Variants in CES4A observed in about 807,000 individuals in gnomAD.
The protein encoded by CES4A is carboxylesterase 6.
A neutral mutation model predicts 65.4 loss-of-function variants in CES4A; 48 were observed. The ratio of observed to expected loss-of-function variants is 0.73; its 90% CI spans 0.58 to 0.93. The LOEUF is 0.93. CES4A is among the 40% of genes least tolerant of loss of function. CES4A has a pLI of 0.00. For synonymous variants in CES4A, 247 were observed against 281.8 expected (o/e 0.88, Z 1.24); for missense variants, 685 against 728.5 (o/e 0.94, Z 0.69).
At chr16:66,988,643 A>G (rs1964139468) in exon 1 of CES4A, 1 of 1,503,202 alleles carries the variant, frequency 6.7e-7, no homozygotes, top group Non-Finnish European at 8.9e-7. Flanking sequence ...CCGCCCCAGT[A>G]CTTGCTGGCA....
At chr16:66,997,019 C>T (rs1313456505) in intron 2 of CES4A, among the ~76,000 whole-genome samples, 2 of 151,414 alleles carry the variant, frequency 1.3e-5, no homozygotes, top group Non-Finnish European at 2.9e-5. Flanking sequence ...CATGAGTGCA[C>T]CACTGACTGC....
intron 1 of CES4A, among the ~76,000 whole-genome samples, chr16:66,991,953 A>G (rs1036272131): frequency 1.4e-4 from 22 of 152,210 alleles, no homozygotes; most frequent in African/African-American, 4.8e-4. Flanking sequence ...TACAAAAAAG[A>G]AAAAGAAAAA....
At chr16:66,988,611 C>A in exon 1 of CES4A, 1 of 1,422,066 alleles carries the variant, frequency 7.0e-7, no homozygotes, top group Non-Finnish European at 9.4e-7. Flanking sequence ...GTGGGCTGGT[C>A]AGAAGCTGGT....
At chr16:66,998,826 A>T (rs1597073663) in intron 2 of CES4A, among the ~76,000 whole-genome samples, 1 of 151,906 alleles carries the variant, frequency 6.6e-6, no homozygotes, top group African/African-American at 2.4e-5. Context: ...GTGCCACTGC[A>T]CTCCAGCCTG....
At chr16:67,007,126 G>T in intron 13 of CES4A, 1 of 355,774 alleles carries the variant, frequency 2.8e-6, no homozygotes, top group Non-Finnish European at 5.1e-6. Flanking sequence ...GCAGACATGA[G>T]CCCCATCCTC....
chr16:67,005,500 G>A (rs1965685876), intron 11 of CES4A, 107 bp downstream of exon 11: 1 of 1,073,254 alleles, frequency 9.3e-7, no homozygotes, highest in Non-Finnish European at 1.3e-6. Flanking sequence ...TGTACTTCTG[G>A]GCTAGTATAG....
Position 67,005,403 on chromosome 16 carries a change from G to T in CES4A, c.1315+10G>T. ...GCTCACTACCACCGAGGTATGCAGG[G>T]TCCCCAAGAGTGGCCACACTGGCCC... On this transcript the variant is annotated intron_variant, in intron 11 of 13. Transcript: ENST00000648724. 1 of 1,612,078 alleles carries T rather than the reference G, an allele frequency of 6.2e-7. No individual in the cohort carries two copies.
At position 67,000,859 on chromosome 16, in the gene CES4A, G is replaced by A; in HGVS notation, c.405G>A (p.Val135=). ...AGATCCCGGCCTTCTTCGTCCAGGT[G>A]ATGGTCTGGTTCCCGGGAGGCGCCT... The change falls in exon 4 of 14, where the codon GTG becomes GTA. Residue 135 remains valine (V), a splice_region_variant and synonymous_variant. Transcript: ENST00000648724. This position sits in a 1 kb window ranked among gnomAD's most constrained non-coding sequence, Gnocchi z 4.2. 1.3e-6 allele frequency: 2 copies of A among 1,593,320 alleles called. No individual in the cohort carries two copies. The highest frequency in any genetic ancestry group is 1.7e-6 in the Non-Finnish European group (2 of 1,170,094).
At chr16:67,004,090 T>C in exon 9 of CES4A, 1 of 1,614,048 alleles carries the variant, frequency 6.2e-7, no homozygotes, top group Non-Finnish European at 8.5e-7. Flanking sequence ...GTAGATTATC[T>C]GGTCCATGAG....
At chr16:66,991,083 G>C (rs1345150722) in intron 1 of CES4A, among the ~76,000 whole-genome samples, 1 of 152,122 alleles carries the variant, frequency 6.6e-6, no homozygotes, top group South Asian at 2.1e-4. Context: ...GGAGCACAGT[G>C]ATGCGATCTT....
Position 67,004,242 on chromosome 16 carries a change from C to G in CES4A, c.1080+18C>G. ...TGCCTTATGTAAGTGAGTAGGAGTT[C>G]AATTGGCTCTTGCCTTACGTAAGTG... On this transcript the variant is annotated intron_variant, in intron 9 of 13. Coordinates refer to ENST00000648724, the Ensembl canonical transcript of CES4A. The G allele has an allele frequency of 2.5e-6, 4 of 1,613,682 alleles. No individual in the cohort carries two copies. The highest frequency in any genetic ancestry group is 3.4e-6 in the Non-Finnish European group (4 of 1,179,718).
At chr16:66,996,538 GA>G (rs1964869776) in intron 2 of CES4A, among the ~76,000 whole-genome samples, 2 of 152,176 alleles carry the variant, frequency 1.3e-5, no homozygotes, top group Non-Finnish European at 2.9e-5. Flanking sequence ...TTAGAACAAT[GA>G]CTGCCCTTTG....
Position 67,001,249 on chromosome 16 carries a change from G to T in CES4A, c.537-59G>T. On this transcript the variant is annotated intron_variant, in intron 4 of 13. Transcript: ENST00000648724. This position sits in a 1 kb window ranked among gnomAD's most constrained non-coding sequence, Gnocchi z 4.1. Reference sequence around the variant, plus strand: ...TGGGTGGGGGAAGCCCAGGAGGGCAGCCCAACGCGCCCCGACTGTCGAGGC... The same window carrying T: ...TGGGTGGGGGAAGCCCAGGAGGGCATCCCAACGCGCCCCGACTGTCGAGGC... The T allele has an allele frequency of 6.6e-7, 1 of 1,511,898 alleles. No homozygotes were observed. 93.7% of individuals were successfully genotyped at this position (1,511,898 alleles called of 1,614,324 possible).
In CES4A at chr16:67,003,058, C is replaced by G; in HGVS notation, c.691-12C>G. The stretch of plus-strand genomic sequence containing the variant: ...GGGCATCTCACGGGTGTATTCCTCC[C>G]TGTTCTTGCAGATGATGTCACCCCT... On this transcript the variant is annotated splice_polypyrimidine_tract_variant and intron_variant, in intron 5 of 13. Coordinates refer to ENST00000648724, the Ensembl canonical transcript of CES4A. The surrounding 1 kb of genome is among the most constrained non-coding windows in gnomAD (Gnocchi z 4.2). The G allele has an allele frequency of 6.2e-7, 1 of 1,610,380 alleles. No individual in the cohort carries two copies. Among genetic ancestry groups the G allele is most frequent in the Non-Finnish European group, 8.5e-7 (1 of 1,176,608 alleles).
chr16:67,000,444 G>A lies in CES4A; in HGVS notation c.261-194G>A. 7.1e-7 allele frequency: 1 copy of A among 1,409,110 alleles called. No homozygotes were observed. The highest frequency in any genetic ancestry group is 2.7e-5 in the East Asian group (1 of 37,674). 87.3% of individuals were successfully genotyped at this position (1,409,110 alleles called of 1,614,324 possible). A position where few individuals can be genotyped will look rare whatever the true frequency, so the allele number is the denominator to read the frequency against. ...CGGGCAGGGAGGGGATGGTTCCTGA[G>A]AGGCCAACCTGCCTCCCAGTCCTGG... On this transcript the variant is annotated intron_variant, in intron 2 of 13. Transcript: ENST00000648724. This position sits in a 1 kb window ranked among gnomAD's most constrained non-coding sequence, Gnocchi z 4.2.
exon 11 of CES4A, chr16:67,005,288 A>C: frequency 1.2e-6 from 2 of 1,614,098 alleles, no homozygotes; most frequent in Non-Finnish European, 1.7e-6. Flanking sequence ...GTACCTGGAC[A>C]ATGTCAATGA....
rs1965238212 is a variant in CES4A at position 67,000,757 on chromosome 16, C to T, written c.380C>T (p.Ala127Val). The T allele has an allele frequency of 6.5e-7, 1 of 1,549,000 alleles. No homozygotes were observed. Among genetic ancestry groups the T allele is most frequent in the African/African-American group, 1.4e-5 (1 of 72,914 alleles). Residue 127 changes from alanine (A) to valine (V), a missense_variant, in exon 3 of 14, where the codon GCG becomes GTG. Coordinates refer to ENST00000648724, the Ensembl canonical transcript of CES4A. This position sits in a 1 kb window ranked among gnomAD's most constrained non-coding sequence, Gnocchi z 4.2. ...CTGAACGTGTACGCGCCGGCGCGCG[C>T]GCCCGGGGATCCCCAGCTGCCAGTG...
At chr16:67,009,085 G>A in exon 14 of CES4A, 1 of 1,614,224 alleles carries the variant, frequency 6.2e-7, no homozygotes, top group Non-Finnish European at 8.5e-7. Context: ...AGAAGAAGAT[G>A]GCTTTTTGGA....
chr16:66,989,730 C>T lies in CES4A; in HGVS notation c.58+900C>T, dbSNP rs1964225166. Reference sequence around the variant, plus strand: ...ACTAGCCAGGCATGGTGGCACATGCCTGTAATCCCAGCTACTCAGGAGGCT... The same window carrying T: ...ACTAGCCAGGCATGGTGGCACATGCTTGTAATCCCAGCTACTCAGGAGGCT... On this transcript the variant is annotated intron_variant, in intron 1 of 13. Transcript: ENST00000648724. Among the ~76,000 whole-genome samples, 7 of 151,946 alleles carry T rather than the reference C, an allele frequency of 4.6e-5. No homozygotes were observed. In the South Asian group the frequency reaches 1.4e-3, roughly 31 times the overall value.
Sources: allele counts gnomAD v4.1 joint callset (sites outside exome capture counted in the v4.1 genomes callset), GRCh38; gene constraint gnomAD v4.1.1; non-coding constraint Gnocchi (gnomAD v3.1); transcripts MANE v1.5; gene names NCBI Gene and HGNC (gene_info 2026-07-23, HGNC 2026-07-21).